Variants in RILPL2 observed in about 807,000 individuals in gnomAD.
RILPL2 encodes Rab interacting lysosomal protein like 2, also known as RILP-like protein 2.
Under a neutral mutation model 22.2 loss-of-function variants are expected in RILPL2, and 19 were observed. The observed-to-expected ratio is 0.86, with a 90% CI of 0.60 to 1.25. RILPL2 has a LOEUF of 1.25. Among genes scored for constraint, RILPL2 ranks in the 50% most tolerant of loss-of-function variants. The pLI is 0.00. For synonymous variants in RILPL2, 123 were observed against 111.6 expected, an observed-to-expected ratio of 1.10 and a Z score of -0.64; for missense variants, 243 against 263.6, an observed-to-expected ratio of 0.92 and a Z score of 0.54.
At chr12:123,434,135 TA>T (rs1445094710) in intron 1 of RILPL2, among the ~76,000 whole-genome samples, 1 of 152,104 alleles carries the variant, frequency 6.6e-6, no homozygotes, top group African/African-American at 2.4e-5. Context: ...TTTTAAAAAC[TA>T]GGCTGGGCAT....
At chr12:123,414,498 T>A (rs1879061595), downstream of RILPL2, 1 of 152,718 alleles carries the variant, frequency 6.5e-6, no homozygotes, top group Non-Finnish European at 1.5e-5. Flanking sequence ...CGCCTCTCCC[T>A]CCACACCTCC....
chr12:123,415,928 T>A lies in RILPL2; in HGVS notation c.606-7A>T. On this transcript the variant is annotated splice_polypyrimidine_tract_variant and splice_region_variant and intron_variant, in intron 3 of 3. Coordinates refer to ENST00000280571, the MANE Select transcript of RILPL2 (RefSeq NM_145058.3). ...CCCCGATCGAAAAAAGAACCTGGTGTGGAGAGAGAGAGGGTTCAGGGTAAG... is the reference window on the plus strand; with the variant it reads ...CCCCGATCGAAAAAAGAACCTGGTGAGGAGAGAGAGAGGGTTCAGGGTAAG... The A allele has an allele frequency of 6.2e-7, 1 of 1,613,972 alleles. No individual in the cohort carries two copies. The highest frequency in any genetic ancestry group is 8.5e-7 in the Non-Finnish European group (1 of 1,179,966).
intron 1 of RILPL2, among the ~76,000 whole-genome samples, chr12:123,431,637 C>T (rs113529601): frequency 0.074 from 11,252 of 151,868 alleles, 1,407 homozygotes; most frequent in African/African-American, 0.25. Flanking sequence ...TCCTGGCTAA[C>T]GCGGTGAAAC....
At position 123,415,759 on chromosome 12, in the gene RILPL2, T is replaced by C. The variant is rs956505581; in HGVS notation, c.*132A>G. ...CAAGAGAACCTCGTCTCCTCCCTCC[T>C]CAGTCTGCTTTGAAGGGGAAATAAA... On this transcript the variant is annotated 3_prime_UTR_variant, in exon 4 of 4. Transcript: ENST00000280571. The C allele has an allele frequency of 5.7e-6, 5 of 883,816 alleles. No homozygotes were observed. Among genetic ancestry groups the C allele is most frequent in the Non-Finnish European group, 9.6e-6 (5 of 523,398 alleles). The allele number at this position is 883,816 out of a possible 1,614,324, so 54.7% of individuals were successfully genotyped here. A position where few individuals can be genotyped will look rare whatever the true frequency, so the allele number is the denominator to read the frequency against.
chr12:123,417,600 T>C (rs946135976), intron 3 of RILPL2, among the ~76,000 whole-genome samples: 24 of 152,270 alleles, frequency 1.6e-4, no homozygotes, highest in African/African-American at 5.1e-4. Context: ...CTTTTTTTTT[T>C]TGAGACAGAG....
At position 123,436,404 on chromosome 12, in the gene RILPL2, A is replaced by C. The variant is rs1163621010; in HGVS notation, c.17T>G (p.Val6Gly). The change falls in exon 1 of 4, where the codon GTG (valine) becomes GGG (glycine). Residue 6 changes from valine to glycine, a missense_variant. Coordinates refer to ENST00000280571, the MANE Select transcript of RILPL2 (RefSeq NM_145058.3). The surrounding 1 kb of genome is among the most constrained non-coding windows in gnomAD (Gnocchi z 6.7). MEEPP[V>G]REEEEEEGEE... ...TCCCTCCTCCTCTTCCTCTTCTCGC[A>C]CAGGGGGCTCCTCCATGGCCACCCA... The C allele has an allele frequency of 6.5e-7, 1 of 1,548,888 alleles. No individual in the cohort carries two copies. The highest frequency in any genetic ancestry group is 2.4e-5 in the East Asian group (1 of 40,902).
At chr12:123,431,813 G>A (rs1383198121) in intron 1 of RILPL2, among the ~76,000 whole-genome samples, 6 of 140,258 alleles carry the variant, frequency 4.3e-5, no homozygotes, top group African/African-American at 1.1e-4. Flanking sequence ...GCGACAGAGC[G>A]AAACTCCATC....
intron 3 of RILPL2, among the ~76,000 whole-genome samples, chr12:123,417,521 C>T (rs763634763): frequency 3.7e-4 from 56 of 152,110 alleles, no homozygotes; most frequent in Admixed American, 1.5e-3. Flanking sequence ...CCAGCCCCTC[C>T]CACCTCTCCA....
intron 2 of RILPL2, among the ~76,000 whole-genome samples, chr12:123,427,625 T>C (rs1391873718): frequency 6.6e-6 from 1 of 151,874 alleles, no homozygotes; most frequent in Non-Finnish European, 1.5e-5. Flanking sequence ...CACTGCAACC[T>C]GCGCCTCCTG....
At chr12:123,430,952 G>C (rs1307318225) in intron 1 of RILPL2, among the ~76,000 whole-genome samples, 5 of 152,088 alleles carry the variant, frequency 3.3e-5, no homozygotes, top group Non-Finnish European at 7.4e-5. Context: ...GCCTGCCTCG[G>C]CCTCCCAAAG....
At chr12:123,416,605 A>C (rs1400643557) in intron 3 of RILPL2, among the ~76,000 whole-genome samples, 1 of 152,194 alleles carries the variant, frequency 6.6e-6, no homozygotes. Flanking sequence ...GTGCCACTGC[A>C]CTCCAGCCTG....
chr12:123,415,680 C>T lies in RILPL2; in HGVS notation c.*211G>A. Reference sequence around the variant, plus strand: ...TTTTTCTTGATTTCAGTCTCACTGGCCCAGGCCAAATCTTCAAGGGTGTCT... The same window carrying T: ...TTTTTCTTGATTTCAGTCTCACTGGTCCAGGCCAAATCTTCAAGGGTGTCT... On this transcript the variant is annotated 3_prime_UTR_variant, in exon 4 of 4. Transcript: ENST00000280571. The T allele has an allele frequency of 3.0e-6, 2 of 674,498 alleles. No homozygotes were observed. The highest frequency in any genetic ancestry group is 4.7e-5 in the Admixed American group (2 of 42,408). The allele number at this position is 674,498 out of a possible 1,614,324, so 41.8% of individuals were successfully genotyped here.
intron 2 of RILPL2, among the ~76,000 whole-genome samples, chr12:123,429,541 C>T (rs542016110): frequency 6.6e-5 from 10 of 152,052 alleles, no homozygotes; most frequent in Admixed American, 2.0e-4. Flanking sequence ...GTGATCTGCC[C>T]GCCTCGGCCT....
At chr12:123,417,606 CAG>C (rs965786915) in intron 3 of RILPL2, among the ~76,000 whole-genome samples, 3 of 151,686 alleles carry the variant, frequency 2.0e-5, no homozygotes, top group African/African-American at 7.2e-5. Context: ...TTTTTTGAGA[CAG>C]AGTTTCACTG....
chr12:123,428,453 TGA>T (rs1349710183), intron 2 of RILPL2, among the ~76,000 whole-genome samples: 1 of 152,168 alleles, frequency 6.6e-6, no homozygotes, highest in Non-Finnish European at 1.5e-5. Flanking sequence ...ACTTACTAAA[TGA>T]GACAAAGGTC....
chr12:123,436,177 C>T lies in RILPL2; in HGVS notation c.244G>A (p.Gly82Ser). ...TTCAGCTCCTCCAGCGCCAGGCTGC[C>T]CTCATTCACCAGCGCCTCCAGCATC... ...LEMLEALVNEGSLALEELKME... is the reference protein window; with the variant it reads ...LEMLEALVNESSLALEELKME... The change falls in exon 1 of 4, where the codon GGC (glycine) becomes AGC (serine). Residue 82 changes from glycine (G) to serine (S), a missense_variant. Transcript: ENST00000280571. The surrounding 1 kb of genome is among the most constrained non-coding windows in gnomAD (Gnocchi z 6.7). 6.2e-7 allele frequency: 1 copy of T among 1,610,716 alleles called. No homozygotes were observed.
At chr12:123,413,780 CCTGAT>C (rs1419732273), downstream of RILPL2, 2 of 152,154 alleles carry the variant, frequency 1.3e-5, no homozygotes, top group African/African-American at 4.8e-5. Flanking sequence ...GTTTACAATC[CCTGAT>C]CTAGACACAA....
At chr12:123,420,828 G>C (rs1879262645) in intron 3 of RILPL2, among the ~76,000 whole-genome samples, 2 of 152,090 alleles carry the variant, frequency 1.3e-5, no homozygotes, top group Non-Finnish European at 2.9e-5. Context: ...ATTCCATGTA[G>C]CCCAAGATTA....
the RILPL2 span, among the ~76,000 whole-genome samples, chr12:123,409,546 AATGCTTTTTT>A: frequency 6.9e-6 from 1 of 145,834 alleles, no homozygotes; most frequent in Admixed American, 6.9e-5. Context: ...ATTAAAAGTT[AATGCTTTTTT>A]TTTTTTTTTT....
Sources: gnomAD v4.1 joint callset for allele counts (sites outside exome capture counted in the v4.1 genomes callset) on GRCh38, gnomAD v4.1.1 for gene constraint, Gnocchi (gnomAD v3.1) non-coding constraint, MANE v1.5 for transcripts, NCBI Gene and HGNC (gene_info 2026-07-23, HGNC 2026-07-21) for gene names.